Variants in GSE1 observed in about 807,000 individuals in gnomAD.
GSE1 encodes the protein genetic suppressor element 1.
Under a neutral mutation model 112.6 loss-of-function variants are expected in GSE1, and 32 were observed. The observed-to-expected ratio is 0.28, with a 90% CI of 0.21 to 0.38. GSE1 has a LOEUF of 0.38. GSE1 is among the 10% of genes least tolerant of loss of function. The probability of loss-of-function intolerance (pLI) is 1.00; values close to 1 mark genes in which losing one functional copy is unlikely to be tolerated. For synonymous variants in GSE1, 1,115 were observed against 735.6 expected (o/e 1.52, Z -8.35); for missense variants, 2,348 against 1,699.2 (o/e 1.38, Z -6.71).
At chr16:85,382,881 A>C (rs2151625020) in intron 2 of GSE1, among the ~76,000 whole-genome samples, 2 of 149,170 alleles carry the variant, frequency 1.3e-5, no homozygotes, top group Middle Eastern at 3.4e-3. Flanking sequence ...ATGCACACAC[A>C]CCGTGCACAC....
chr16:85,643,845 C>A (rs969883566), intron 2 of GSE1, among the ~76,000 whole-genome samples: 13 of 152,094 alleles, frequency 8.5e-5, no homozygotes, highest in African/African-American at 3.1e-4. Context: ...TTCCCCTGGG[C>A]AGCAGGAGCC....
chr16:85,306,801 T>C (rs937790449), intron 1 of GSE1, among the ~76,000 whole-genome samples: 5 of 152,228 alleles, frequency 3.3e-5, no homozygotes, highest in Admixed American at 6.5e-5. Context: ...AGCTGTGGAC[T>C]TGACAGAGCG....
At chr16:85,421,659 C>T (rs894022021) in intron 2 of GSE1, among the ~76,000 whole-genome samples, 3 of 152,086 alleles carry the variant, frequency 2.0e-5, no homozygotes, top group African/African-American at 4.8e-5. Flanking sequence ...CACCTGGGGG[C>T]GTCGGGGGTG....
At chr16:85,263,718 G>A (rs920845501) in intron 1 of GSE1, among the ~76,000 whole-genome samples, 1 of 152,042 alleles carries the variant, frequency 6.6e-6, no homozygotes, top group Non-Finnish European at 1.5e-5. Flanking sequence ...GATTACAGGT[G>A]TGGGACACCA....
intron 2 of GSE1, among the ~76,000 whole-genome samples, chr16:85,414,271 C>T (rs1218388183): frequency 6.6e-6 from 1 of 152,206 alleles, no homozygotes; most frequent in African/African-American, 2.4e-5. Flanking sequence ...GCTGAGAAAG[C>T]TGGTATTTCG....
intron 2 of GSE1, among the ~76,000 whole-genome samples, chr16:85,516,845 T>A (rs1318262535): frequency 6.8e-6 from 1 of 147,130 alleles, no homozygotes; most frequent in Non-Finnish European, 1.5e-5. Flanking sequence ...TCGCCCAGGC[T>A]GGAGTGCAGT....
chr16:85,667,069 T>C (rs1202189336), intron 13 of GSE1, among the ~76,000 whole-genome samples: 1 of 152,268 alleles, frequency 6.6e-6, no homozygotes, highest in Admixed American at 6.5e-5. Context: ...TCCCTGGCTT[T>C]TGGTATTCAC....
chr16:85,498,359 A>G (rs1475668490), intron 2 of GSE1, among the ~76,000 whole-genome samples: 1 of 152,148 alleles, frequency 6.6e-6, no homozygotes, highest in Non-Finnish European at 1.5e-5. Flanking sequence ...ATACCCACAC[A>G]TACAGATGAA....
chr16:85,244,533 C>T (rs1340448403), intron 1 of GSE1, among the ~76,000 whole-genome samples: 5 of 152,062 alleles, frequency 3.3e-5, no homozygotes, highest in African/African-American at 9.7e-5. Flanking sequence ...TTACAACAGC[C>T]ACAGGAAATG....
At chr16:85,253,350 G>T (rs1416300756) in intron 1 of GSE1, among the ~76,000 whole-genome samples, 1 of 152,146 alleles carries the variant, frequency 6.6e-6, no homozygotes, top group Non-Finnish European at 1.5e-5. Context: ...TGTGCCCGCT[G>T]CCCGCTAGGT....
intron 2 of GSE1, among the ~76,000 whole-genome samples, chr16:85,529,958 A>G (rs11117489): frequency 0.95 from 144,043 of 152,276 alleles, 68,190 homozygotes; most frequent in East Asian, 0.98. Context: ...AGGCACTGGC[A>G]AGATGAGTGA....
intron 1 of GSE1, among the ~76,000 whole-genome samples, chr16:85,302,313 T>C (rs1186169059): frequency 2.0e-5 from 3 of 152,106 alleles, no homozygotes; most frequent in African/African-American, 4.8e-5. Flanking sequence ...TCAGCCACGA[T>C]TTATCCCACC....
At chr16:85,553,841 C>T (rs1035729882), upstream of GSE1, among the ~76,000 whole-genome samples, 2 of 152,180 alleles carry the variant, frequency 1.3e-5, no homozygotes, top group African/African-American at 2.4e-5. Flanking sequence ...TATCGTATTC[C>T]GGGAGTTCAA....
chr16:85,634,239 A>C, intron 2 of GSE1, 107 bp downstream of exon 2: 1 of 768,438 alleles, frequency 1.3e-6, no homozygotes, highest in Non-Finnish European at 1.9e-6. Context: ...CGTCTTTCCC[A>C]CGCCGTGTGC....
intron 1 of GSE1, among the ~76,000 whole-genome samples, chr16:85,307,878 G>A (rs904848768): frequency 6.6e-5 from 10 of 152,180 alleles, no homozygotes; most frequent in South Asian, 2.1e-4. Context: ...CCCAGGAGCC[G>A]GGGGAAAGGT....
intron 2 of GSE1, among the ~76,000 whole-genome samples, chr16:85,523,031 G>A (rs1352909093): frequency 1.3e-5 from 2 of 152,002 alleles, no homozygotes; most frequent in African/African-American, 4.8e-5. Flanking sequence ...GTGTATGCGT[G>A]TGTGTCTTTT....
At chr16:85,319,715 C>G (rs1199484944) in intron 1 of GSE1, among the ~76,000 whole-genome samples, 1 of 152,210 alleles carries the variant, frequency 6.6e-6, no homozygotes, top group African/African-American at 2.4e-5. Context: ...TTAGAGGCCT[C>G]TCTTGGGGGC....
chr16:85,192,071 A>G (rs187674144), intron 1 of GSE1, among the ~76,000 whole-genome samples: 12 of 152,402 alleles, frequency 7.9e-5, no homozygotes, highest in Admixed American at 5.9e-4. Context: ...AAGTTCCGCC[A>G]TCCAGAGCTT....
At chr16:85,365,212 C>T (rs1303075649) in intron 2 of GSE1, among the ~76,000 whole-genome samples, 2 of 152,202 alleles carry the variant, frequency 1.3e-5, no homozygotes, top group East Asian at 3.8e-4. Context: ...CTCACACCCG[C>T]CCCCAGTATC....
Sources: gnomAD v4.1 joint callset for allele counts (sites outside exome capture counted in the v4.1 genomes callset) on GRCh38, gnomAD v4.1.1 for gene constraint, MANE v1.5 for transcripts, NCBI Gene and HGNC (gene_info 2026-07-23, HGNC 2026-07-21) for gene names.